LRRC37A2: variants seen among roughly 807,000 people sequenced by gnomAD.
LRRC37A2 encodes the protein leucine-rich repeat-containing protein 37A2.
A neutral mutation model predicts 68.8 loss-of-function variants in LRRC37A2; 9 were observed. The observed-to-expected ratio is 0.13, with a 90% CI of 0.08 to 0.23. The LOEUF (loss-of-function observed/expected upper bound fraction) is 0.23. LRRC37A2 is among the 10% of genes least tolerant of loss of function. The probability of loss-of-function intolerance (pLI) is 1.00; values close to 1 mark genes in which losing one functional copy is unlikely to be tolerated. For missense variants in LRRC37A2, 168 were observed against 950.4 expected (o/e 0.18, Z 10.82); for synonymous variants, 63 against 367.6 (o/e 0.17, Z 9.48).
the LRRC37A2 span, among the ~76,000 whole-genome samples, chr17:46,727,561 A>T: frequency 6.6e-6 from 1 of 151,956 alleles, no homozygotes; most frequent in Non-Finnish European, 1.5e-5. Context: ...GTCCTCTGTT[A>T]TTTATTTTTT....
chr17:46,784,132 A>G, the LRRC37A2 span, among the ~76,000 whole-genome samples: 1 of 152,280 alleles, frequency 6.6e-6, no homozygotes, highest in African/African-American at 2.4e-5. Flanking sequence ...ATCTCAGGAC[A>G]GTGGCTTCAG....
At chr17:46,985,311 T>G in the LRRC37A2 span, among the ~76,000 whole-genome samples, 105,634 of 151,136 alleles carry the variant, frequency 0.7, 37,499 homozygotes, top group Middle Eastern at 0.79. Context: ...ATGAGGTCAC[T>G]AGTTCGAGAC....
the LRRC37A2 span, among the ~76,000 whole-genome samples, chr17:46,657,405 T>C: frequency 6.6e-6 from 1 of 152,232 alleles, no homozygotes; most frequent in Non-Finnish European, 1.5e-5. Context: ...TTCAAGAGAC[T>C]TGGAGTCTAG....
the LRRC37A2 span, among the ~76,000 whole-genome samples, chr17:46,471,224 GAAAAT>G: frequency 1.2e-5 from 1 of 80,914 alleles, no homozygotes; most frequent in African/African-American, 3.4e-5. Flanking sequence ...TTTAAGAAAA[GAAAAT>G]ATGTGACCAT....
the LRRC37A2 span, among the ~76,000 whole-genome samples, chr17:46,901,583 G>A: frequency 6.6e-6 from 1 of 152,164 alleles, no homozygotes; most frequent in Admixed American, 6.5e-5. Flanking sequence ...GCAGGTCTGC[G>A]TGAGGGACTT....
chr17:46,931,034 T>A, the LRRC37A2 span: 1 of 907,452 alleles, frequency 1.1e-6, no homozygotes, highest in Non-Finnish European at 1.8e-6. Flanking sequence ...AATCTGTGAT[T>A]TATCATTGTA....
chr17:46,993,298 G>T, the LRRC37A2 span, among the ~76,000 whole-genome samples: 789 of 152,342 alleles, frequency 5.2e-3, 5 homozygotes, highest in Admixed American at 8.8e-3. Context: ...CAGATCCCAG[G>T]CTCATGGGAC....
chr17:46,416,426 C>T, the LRRC37A2 span, among the ~76,000 whole-genome samples: 1 of 4,924 alleles, frequency 2.0e-4, no homozygotes, highest in African/African-American at 8.1e-4. Context: ...GCTGGGATTA[C>T]AGGCATGCAC....
At chr17:46,872,758 G>C in the LRRC37A2 span, 1 of 1,607,976 alleles carries the variant, frequency 6.2e-7, no homozygotes, top group Non-Finnish European at 8.5e-7. Flanking sequence ...GGGCAGGATG[G>C]GCCTGCTCAA....
the LRRC37A2 span, among the ~76,000 whole-genome samples, chr17:46,753,780 A>C: frequency 7.9e-5 from 12 of 152,318 alleles, no homozygotes; most frequent in African/African-American, 2.9e-4. Flanking sequence ...CTGACATTTC[A>C]TAGGCCTCTG....
the LRRC37A2 span, among the ~76,000 whole-genome samples, chr17:46,995,123 C>G: frequency 6.2e-3 from 946 of 152,208 alleles, 17 homozygotes; most frequent in African/African-American, 0.022. Context: ...ACTGTCCCCC[C>G]ACTCCCCCAA....
the LRRC37A2 span, among the ~76,000 whole-genome samples, chr17:46,836,500 G>C: frequency 6.6e-6 from 1 of 152,198 alleles, no homozygotes; most frequent in Non-Finnish European, 1.5e-5. Flanking sequence ...ATAAGAGGAA[G>C]AAAAGTATGT....
the LRRC37A2 span, among the ~76,000 whole-genome samples, chr17:46,500,607 G>A: frequency 6.6e-6 from 1 of 150,848 alleles, no homozygotes; most frequent in Non-Finnish European, 1.5e-5. Context: ...TCCTGATTTA[G>A]TAGGCCTGGG....
At chr17:46,909,600 T>C in the LRRC37A2 span, 1 of 152,390 alleles carries the variant, frequency 6.6e-6, no homozygotes, top group East Asian at 1.9e-4. Flanking sequence ...AGGAGCTGCA[T>C]GTGGCTAACA....
the LRRC37A2 span, among the ~76,000 whole-genome samples, chr17:46,765,967 C>A: frequency 4.6e-5 from 7 of 152,176 alleles, no homozygotes; most frequent in Non-Finnish European, 8.8e-5. Context: ...AGTGAGGCCT[C>A]CAGAGCTTCC....
chr17:46,479,476 T>C, the LRRC37A2 span, among the ~76,000 whole-genome samples: 1 of 108,186 alleles, frequency 9.2e-6, no homozygotes, highest in Admixed American at 9.0e-5. Context: ...TAGATCTAAA[T>C]AATGAGCACA....
the LRRC37A2 span, among the ~76,000 whole-genome samples, chr17:46,684,609 C>G: frequency 2.0e-5 from 3 of 152,024 alleles, no homozygotes; most frequent in East Asian, 5.8e-4. Context: ...ACATCTACAA[C>G]CATCTGATCT....
the LRRC37A2 span, among the ~76,000 whole-genome samples, chr17:46,811,972 A>G: frequency 6.6e-6 from 1 of 152,052 alleles, no homozygotes; most frequent in Admixed American, 6.5e-5. Flanking sequence ...AAAAAGAAAG[A>G]AAGAAAGAAA....
chr17:46,982,965 A>G, the LRRC37A2 span, among the ~76,000 whole-genome samples: 3 of 152,172 alleles, frequency 2.0e-5, no homozygotes, highest in Non-Finnish European at 4.4e-5. Flanking sequence ...GCTCATTAGA[A>G]GAGGGGCATC....
Sources: gnomAD v4.1 joint callset for allele counts (sites outside exome capture counted in the v4.1 genomes callset) on GRCh38, gnomAD v4.1.1 for gene constraint, MANE v1.5 for transcripts, NCBI Gene and HGNC (gene_info 2026-07-23, HGNC 2026-07-21) for gene names.